Variants in PCDH9 observed in about 807,000 individuals in gnomAD.
PCDH9 encodes the protein protocadherin-9.
In PCDH9, 24 loss-of-function variants were observed where a neutral mutation model predicts 70.6. That is an observed-to-expected ratio of 0.34 (90% confidence interval 0.25 to 0.48). PCDH9 has a LOEUF of 0.48. PCDH9 is among the 20% of genes least tolerant of loss of function. The pLI is 0.99. For missense variants in PCDH9, 1,281 were observed against 1,503.6 expected (o/e 0.85, Z 2.45); for synonymous variants, 562 against 558.5 (o/e 1.01, Z -0.09).
intron 4 of PCDH9, among the ~76,000 whole-genome samples, chr13:66,443,032 T>C (rs1019761155): frequency 1.3e-5 from 2 of 152,188 alleles, no homozygotes; most frequent in African/African-American, 2.4e-5. Flanking sequence ...CAAGTGCCAA[T>C]TGAAGCCTGG....
chr13:66,487,724 G>A (rs1958967990), intron 4 of PCDH9, among the ~76,000 whole-genome samples: 1 of 152,088 alleles, frequency 6.6e-6, no homozygotes, highest in Non-Finnish European at 1.5e-5. Flanking sequence ...ATTTTATTGG[G>A]TGAATTTTAG....
chr13:66,563,027 G>A (rs968862513), intron 4 of PCDH9, among the ~76,000 whole-genome samples: 6 of 151,894 alleles, frequency 4.0e-5, no homozygotes, highest in South Asian at 2.1e-4. Context: ...TTTCCTTATC[G>A]AATTCATTGA....
intron 4 of PCDH9, among the ~76,000 whole-genome samples, chr13:66,521,362 C>T (rs994939772): frequency 8.5e-5 from 13 of 152,144 alleles, no homozygotes; most frequent in Admixed American, 2.6e-4. Flanking sequence ...ATGATGAGGT[C>T]GGTAGTTTCT....
chr13:66,852,452 A>G (rs754216738), intron 3 of PCDH9, among the ~76,000 whole-genome samples: 5 of 152,156 alleles, frequency 3.3e-5, no homozygotes, highest in Non-Finnish European at 5.9e-5. Flanking sequence ...TAATGACCTA[A>G]TTACCAGTTA....
intron 4 of PCDH9, among the ~76,000 whole-genome samples, chr13:66,606,126 A>AT (rs111673316): frequency 0.16 from 24,574 of 151,698 alleles, 2,171 homozygotes; most frequent in Middle Eastern, 0.23. Context: ...CTACTCACTT[A>AT]TTTTTTTTCC....
At chr13:66,598,240 C>T (rs928438475) in intron 4 of PCDH9, among the ~76,000 whole-genome samples, 5 of 151,622 alleles carry the variant, frequency 3.3e-5, no homozygotes, top group Admixed American at 2.0e-4. Flanking sequence ...GGGTATCTAT[C>T]CAGAAAAATT....
intron 3 of PCDH9, among the ~76,000 whole-genome samples, chr13:66,672,844 T>G (rs1338791454): frequency 6.6e-6 from 1 of 152,160 alleles, no homozygotes; most frequent in Non-Finnish European, 1.5e-5. Context: ...TTGGCCAATC[T>G]CTCCCATTTG....
chr13:66,329,495 T>C (rs909635478), intron 4 of PCDH9, among the ~76,000 whole-genome samples: 1 of 152,212 alleles, frequency 6.6e-6, no homozygotes, highest in Non-Finnish European at 1.5e-5. Flanking sequence ...AAGGAATCTA[T>C]GCTCAACCTT....
Position 67,226,499 on chromosome 13 carries a change from TG to T in PCDH9, c.1941del (p.Thr648LeufsTer14), listed in dbSNP as rs1379591869. 1 of 1,614,018 alleles carries T rather than the reference TG, an allele frequency of 6.2e-7. No individual in the cohort carries two copies. Among genetic ancestry groups the T allele is most frequent in the African/African-American group, 1.3e-5 (1 of 74,936 alleles). ...QQSSYTFDVKATDGGQPPRSS... is the reference protein window; with the variant it reads ...QQSSYTFDVKXTDGGQPPRSS... ...GAACGAGGTGGTTGTCCTCCATCAGTGGCTTTGACATCAAAAGTGTAGGAAC... is the reference window on the plus strand; with the variant it reads ...GAACGAGGTGGTTGTCCTCCATCAGTGCTTTGACATCAAAAGTGTAGGAAC... On this transcript the variant is annotated frameshift_variant, in exon 2 of 5. Coordinates refer to ENST00000377865, the MANE Select transcript of PCDH9 (RefSeq NM_203487.3). LOFTEE classifies it high-confidence loss of function. This position sits in a 1 kb window ranked among gnomAD's most constrained non-coding sequence, Gnocchi z 5.0.
chr13:66,338,944 A>C (rs866940528), intron 4 of PCDH9, among the ~76,000 whole-genome samples: 1 of 152,102 alleles, frequency 6.6e-6, no homozygotes, highest in South Asian at 2.1e-4. Context: ...TCACATTGGC[A>C]GAAAAACACG....
intron 2 of PCDH9, among the ~76,000 whole-genome samples, chr13:67,097,153 G>A (rs1032822368): frequency 6.6e-6 from 1 of 151,952 alleles, no homozygotes; most frequent in African/African-American, 2.4e-5. Context: ...TACTTGGGAG[G>A]CTGAAGTGGG....
chr13:67,079,629 TA>T (rs2085945303), intron 2 of PCDH9, among the ~76,000 whole-genome samples: 1 of 152,184 alleles, frequency 6.6e-6, no homozygotes, highest in Admixed American at 6.6e-5. Context: ...GGACTAAAAT[TA>T]CCCTGCAAAG....
chr13:66,964,662 A>G (rs866168379), intron 2 of PCDH9, among the ~76,000 whole-genome samples: 1 of 152,014 alleles, frequency 6.6e-6, no homozygotes, highest in African/African-American at 2.4e-5. Context: ...TTAATTAAGG[A>G]ATTTTTTTTT....
intron 2 of PCDH9, among the ~76,000 whole-genome samples, chr13:67,066,258 A>C (rs1468377125): frequency 6.6e-6 from 1 of 151,586 alleles, no homozygotes; most frequent in Non-Finnish European, 1.5e-5. Flanking sequence ...TTTTAGACAG[A>C]GTTTCACTCT....
intron 2 of PCDH9, among the ~76,000 whole-genome samples, chr13:66,987,415 C>T (rs1222884174): frequency 1.3e-5 from 2 of 152,004 alleles, no homozygotes; most frequent in African/African-American, 2.4e-5. Context: ...GCTGTTGATA[C>T]ATTAATTGTG....
intron 4 of PCDH9, among the ~76,000 whole-genome samples, chr13:66,540,011 A>G (rs1960882644): frequency 6.6e-6 from 1 of 151,304 alleles, no homozygotes; most frequent in Non-Finnish European, 1.5e-5. Flanking sequence ...CTGAGATTAC[A>G]GGCCTGAACC....
intron 3 of PCDH9, among the ~76,000 whole-genome samples, chr13:66,776,943 T>C (rs2079905086): frequency 6.7e-6 from 1 of 149,712 alleles, no homozygotes; most frequent in Non-Finnish European, 1.5e-5. Context: ...TAGAGATCAA[T>C]GGAACAGTAC....
intron 4 of PCDH9, among the ~76,000 whole-genome samples, chr13:66,614,742 C>T (rs1191771145): frequency 3.3e-5 from 5 of 152,174 alleles, no homozygotes; most frequent in African/African-American, 4.8e-5. Flanking sequence ...ATTTTATTTC[C>T]TCAGCAAGGC....
chr13:66,431,078 A>G (rs970332139), intron 4 of PCDH9, among the ~76,000 whole-genome samples: 1 of 152,052 alleles, frequency 6.6e-6, no homozygotes, highest in Non-Finnish European at 1.5e-5. Flanking sequence ...ATGAAATTTG[A>G]CTATAGCCAT....
Sources: allele counts gnomAD v4.1 joint callset (sites outside exome capture counted in the v4.1 genomes callset), GRCh38; gene constraint gnomAD v4.1.1; non-coding constraint Gnocchi (gnomAD v3.1); transcripts MANE v1.5; gene names NCBI Gene and HGNC (gene_info 2026-07-23, HGNC 2026-07-21).